The following SLC30A7 variants were observed in gnomAD, a reference collection of about 807,000 sequenced individuals.
SLC30A7 encodes zinc transporter 7.
In SLC30A7, 35 loss-of-function variants were observed where a neutral mutation model predicts 46.0. The ratio of observed to expected loss-of-function variants is 0.76; its 90% CI spans 0.58 to 1.01. SLC30A7 has a LOEUF of 1.01. Ranked by LOEUF, SLC30A7 falls within the 50% of genes least tolerant of loss-of-function variation. The pLI is 0.00. For synonymous variants in SLC30A7, 147 were observed against 157.8 expected, an observed-to-expected ratio of 0.93 and a Z score of 0.51; for missense variants, 464 against 451.1, an observed-to-expected ratio of 1.03 and a Z score of -0.26.
chr1:100,946,714 G>A (rs1310419893), intron 8 of SLC30A7, among the ~76,000 whole-genome samples: 6 of 152,122 alleles, frequency 3.9e-5, no homozygotes, highest in Non-Finnish European at 2.9e-5. Context: ...TTTTTGCATC[G>A]ATGTTCATTA....
chr1:100,964,308 C>G (rs1020136206), intron 9 of SLC30A7, among the ~76,000 whole-genome samples: 8 of 119,716 alleles, frequency 6.7e-5, no homozygotes, highest in African/African-American at 2.5e-4. Flanking sequence ...CTTATGTAAC[C>G]TATATATGTT....
chr1:100,939,715 G>C lies in SLC30A7; in HGVS notation c.842+17874G>C, dbSNP rs185135014. Reference sequence around the variant, plus strand: ...ATACAAAAAATTAGCTGGGCATGGTGGTGGGCACCTGTAGTCCCAGCTACT... The same window carrying C: ...ATACAAAAAATTAGCTGGGCATGGTCGTGGGCACCTGTAGTCCCAGCTACT... On this transcript the variant is annotated intron_variant, in intron 8 of 10. Coordinates refer to ENST00000357650, the MANE Select transcript of SLC30A7 (RefSeq NM_133496.5). Among the ~76,000 whole-genome samples, 10 of 151,664 alleles carry C rather than the reference G, an allele frequency of 6.6e-5. No individual in the cohort carries two copies. In the East Asian group the frequency reaches 1.7e-3, roughly 26 times the overall value.
At chr1:100,931,165 A>G (rs1653642951) in intron 8 of SLC30A7, among the ~76,000 whole-genome samples, 1 of 152,188 alleles carries the variant, frequency 6.6e-6, no homozygotes, top group South Asian at 2.1e-4. Flanking sequence ...ATGTAAGAAT[A>G]TCATTCAGCA....
chr1:100,984,133 C>T (rs976318980), downstream of SLC30A7, among the ~76,000 whole-genome samples: 14 of 152,204 alleles, frequency 9.2e-5, no homozygotes, highest in African/African-American at 3.4e-4. Context: ...TGGTGGCCAA[C>T]AGCTATGTAA....
chr1:100,949,518 A>G (rs538425285), intron 8 of SLC30A7, among the ~76,000 whole-genome samples: 11 of 152,320 alleles, frequency 7.2e-5, no homozygotes, highest in Admixed American at 2.0e-4. Context: ...TCAAAACACC[A>G]TGCTAGGAGA....
Position 100,976,118 on chromosome 1 carries a change from T to C in SLC30A7, c.*1261T>C, listed in dbSNP as rs1656483164. The C allele has an allele frequency of 6.6e-6, 1 of 152,396 alleles. No individual in the cohort carries two copies. 9.4% of individuals were successfully genotyped at this position (152,396 alleles called of 1,614,324 possible). ...ACAGAAAATTTTGACTTAAAACATCTGCTGAATTCCAAATTTCTGTAATAG... is the reference window on the plus strand; with the variant it reads ...ACAGAAAATTTTGACTTAAAACATCCGCTGAATTCCAAATTTCTGTAATAG... On this transcript the variant is annotated 3_prime_UTR_variant, in exon 11 of 11. Coordinates refer to ENST00000357650, the MANE Select transcript of SLC30A7 (RefSeq NM_133496.5).
chr1:100,936,788 T>C (rs1653987883), intron 8 of SLC30A7, among the ~76,000 whole-genome samples: 1 of 152,184 alleles, frequency 6.6e-6, no homozygotes, highest in Non-Finnish European at 1.5e-5. Context: ...CACTATTTTT[T>C]CTGTCTCTAT....
intron 8 of SLC30A7, among the ~76,000 whole-genome samples, chr1:100,930,037 T>C (rs528237622): frequency 6.6e-6 from 1 of 151,952 alleles, no homozygotes; most frequent in Non-Finnish European, 1.5e-5. Flanking sequence ...AGCTTGATTT[T>C]TTTTTATTCA....
At chr1:100,906,064 A>G (rs555064980) in intron 2 of SLC30A7, among the ~76,000 whole-genome samples, 6 of 152,296 alleles carry the variant, frequency 3.9e-5, no homozygotes, top group African/African-American at 1.4e-4. Flanking sequence ...TTTGCTCAGT[A>G]GTCAAACTGG....
At chr1:100,990,385 C>T in the SLC30A7 span, 1 of 1,604,420 alleles carries the variant, frequency 6.2e-7, no homozygotes, top group Non-Finnish European at 8.5e-7. Context: ...AAATTTACAT[C>T]AGACAATGGT....
chr1:100,925,815 G>A (rs939972840), intron 8 of SLC30A7, among the ~76,000 whole-genome samples: 3 of 152,192 alleles, frequency 2.0e-5, no homozygotes, highest in African/African-American at 7.2e-5. Context: ...GACAAAGAGT[G>A]TACAAATAGG....
chr1:100,916,356 T>C (rs1317310015), intron 6 of SLC30A7, among the ~76,000 whole-genome samples: 3 of 152,072 alleles, frequency 2.0e-5, no homozygotes, highest in Non-Finnish European at 4.4e-5. Flanking sequence ...CAGCTAACTT[T>C]TTGTATTTTT....
At chr1:100,916,704 CTTTT>C (rs33980397) in intron 6 of SLC30A7, among the ~76,000 whole-genome samples, 10 of 92,318 alleles carry the variant, frequency 1.1e-4, no homozygotes, top group Admixed American at 6.4e-4. Flanking sequence ...TTCATTCATT[CTTTT>C]TTTTTTTTTT....
At chr1:100,926,310 A>G (rs1653302537) in intron 8 of SLC30A7, among the ~76,000 whole-genome samples, 1 of 152,170 alleles carries the variant, frequency 6.6e-6, no homozygotes, top group African/African-American at 2.4e-5. Flanking sequence ...GAGAGGTTTT[A>G]TTGGCTCACA....
intron 8 of SLC30A7, among the ~76,000 whole-genome samples, chr1:100,944,655 C>G (rs1055581844): frequency 2.6e-5 from 3 of 114,608 alleles, no homozygotes; most frequent in Non-Finnish European, 5.1e-5. Flanking sequence ...TCCCTCCCCC[C>G]ACCCCCTACT....
rs890871583 is a variant in SLC30A7 at position 100,918,074 on chromosome 1, C to T, written c.656-3C>T. ...TGTTTTAAAATAACTTAATTCTCTA[C>T]AGATGGCCCGTCCTTAAAAGAAACA... On this transcript the variant is annotated splice_region_variant and splice_polypyrimidine_tract_variant and intron_variant, in intron 6 of 10. Coordinates refer to ENST00000357650, the MANE Select transcript of SLC30A7 (RefSeq NM_133496.5). 1.1e-5 allele frequency: 17 copies of T among 1,610,610 alleles called. No individual in the cohort carries two copies. The highest frequency in any genetic ancestry group is 1.4e-5 in the Non-Finnish European group (16 of 1,177,694).
intron 6 of SLC30A7, among the ~76,000 whole-genome samples, chr1:100,916,801 C>T (rs1453988635): frequency 6.8e-6 from 1 of 146,654 alleles, no homozygotes; most frequent in Non-Finnish European, 1.5e-5. Flanking sequence ...CTTCTACTCT[C>T]TGCTTCCATG....
chr1:100,930,824 T>C (rs1653620417), intron 8 of SLC30A7, among the ~76,000 whole-genome samples: 1 of 152,136 alleles, frequency 6.6e-6, no homozygotes, highest in South Asian at 2.1e-4. Flanking sequence ...TGCATAGTTA[T>C]TGTATTCTTT....
At position 100,980,147 on chromosome 1, in the gene SLC30A7, G is replaced by T. The variant is rs1656840465; in HGVS notation, c.*5290G>T. ...TGAAGAGTAAGCTGCTTAAGGGACTGAATGAAAAGATAGTACCCTTTGTGG... is the reference window on the plus strand; with the variant it reads ...TGAAGAGTAAGCTGCTTAAGGGACTTAATGAAAAGATAGTACCCTTTGTGG... On this transcript the variant is annotated 3_prime_UTR_variant, in exon 11 of 11. Coordinates refer to ENST00000357650, the MANE Select transcript of SLC30A7 (RefSeq NM_133496.5). 1 of 152,100 alleles carries T rather than the reference G, an allele frequency of 6.6e-6. No individual in the cohort carries two copies. Among genetic ancestry groups the T allele is most frequent in the Non-Finnish European group, 1.5e-5 (1 of 67,970 alleles). The allele number at this position is 152,100 out of a possible 1,614,324, so 9.4% of individuals were successfully genotyped here. A position where few individuals can be genotyped will look rare whatever the true frequency, so the allele number is the denominator to read the frequency against.
Sources: allele counts gnomAD v4.1 joint callset (sites outside exome capture counted in the v4.1 genomes callset), GRCh38; gene constraint gnomAD v4.1.1; transcripts MANE v1.5; gene names NCBI Gene and HGNC (gene_info 2026-07-23, HGNC 2026-07-21).